GPAT3: variants seen among roughly 807,000 people sequenced by gnomAD.
The protein encoded by GPAT3 is 1-AGP acyltransferase 9.
A neutral mutation model predicts 58.8 loss-of-function variants in GPAT3; 53 were observed. The ratio of observed to expected loss-of-function variants is 0.90; its 90% CI spans 0.72 to 1.13. GPAT3 has a LOEUF of 1.13. Ranked by LOEUF, GPAT3 falls within the 50% of genes most tolerant of loss-of-function variation. The pLI, the probability that GPAT3 is intolerant of heterozygous loss-of-function variation, is 0.00. For missense variants in GPAT3, 511 were observed against 527.6 expected, an observed-to-expected ratio of 0.97 and a Z score of 0.31; for synonymous variants, 197 against 187.4, an observed-to-expected ratio of 1.05 and a Z score of -0.42.
chr4:83,555,067 G>A (rs1724900094), intron 2 of GPAT3, among the ~76,000 whole-genome samples: 1 of 152,156 alleles, frequency 6.6e-6, no homozygotes, highest in African/African-American at 2.4e-5. Flanking sequence ...GCCTCCCAAA[G>A]TGCTGGGATT....
At chr4:83,578,934 TTTC>T (rs1428033420) in intron 2 of GPAT3, among the ~76,000 whole-genome samples, 2 of 1,972 alleles carry the variant, frequency 1.0e-3, no homozygotes, top group South Asian at 0.028. Context: ...TCTTTCTTTC[TTTC>T]TTTTCTTTTC....
At chr4:83,545,099 G>A (rs1724457793) in intron 2 of GPAT3, among the ~76,000 whole-genome samples, 1 of 152,164 alleles carries the variant, frequency 6.6e-6, no homozygotes, top group South Asian at 2.1e-4. Flanking sequence ...CTTGCCTTTG[G>A]AGAGTATTAG....
chr4:83,569,707 C>T (rs1164052094), intron 2 of GPAT3, among the ~76,000 whole-genome samples: 6 of 152,134 alleles, frequency 3.9e-5, no homozygotes, highest in African/African-American at 1.4e-4. Context: ...GCACTGGGGA[C>T]CACTTGGTGC....
At chr4:83,566,409 AATT>A (rs1466051876) in intron 2 of GPAT3, among the ~76,000 whole-genome samples, 4 of 134,270 alleles carry the variant, frequency 3.0e-5, no homozygotes, top group African/African-American at 9.4e-5. Flanking sequence ...TTTTTTAAAA[AATT>A]AATTAATTTA....
intron 5 of GPAT3, among the ~76,000 whole-genome samples, chr4:83,589,739 A>G (rs1168713959): frequency 6.6e-6 from 1 of 152,098 alleles, no homozygotes; most frequent in Admixed American, 6.6e-5. Context: ...TCATCACACT[A>G]CCTAGAGATC....
rs796732041 is a variant in GPAT3, at chr4:83,541,238, C to CT, written c.142-3286dup. ...AACCTTAAACTTAAACTTTGCATATCTTTTTTTTTTTTGAGGCAGGGTCTC... is the reference window on the plus strand; with the variant it reads ...AACCTTAAACTTAAACTTTGCATATCTTTTTTTTTTTTTGAGGCAGGGTCTC... On this transcript the variant is annotated intron_variant, in intron 1 of 11. Transcript: ENST00000264409. 5.5e-3 allele frequency among the ~76,000 whole-genome samples: 801 copies of CT among 145,842 alleles called. 12 individuals are homozygous for CT. The highest frequency in any genetic ancestry group is 0.035 in the Admixed American group (512 of 14,620).
At chr4:83,539,977 G>A (rs1488693288) in intron 1 of GPAT3, among the ~76,000 whole-genome samples, 2 of 152,024 alleles carry the variant, frequency 1.3e-5, no homozygotes, top group African/African-American at 4.8e-5. Context: ...AGCCAACATG[G>A]TAAAACCCCA....
intron 2 of GPAT3, among the ~76,000 whole-genome samples, chr4:83,574,624 A>ATATTTTTT (rs1725720006): frequency 1.8e-5 from 1 of 55,560 alleles, no homozygotes; most frequent in Non-Finnish European, 3.5e-5. Context: ...AGTAAAATGA[A>ATATTTTTT]TTTTTTTTTT....
chr4:83,591,669 T>C (rs1726605921), intron 6 of GPAT3, among the ~76,000 whole-genome samples: 1 of 152,188 alleles, frequency 6.6e-6, no homozygotes. Flanking sequence ...GTTCTGAGTG[T>C]ATGTAATAAT....
rs1220779733 is a variant in GPAT3, at chr4:83,581,757, A to G, written c.404A>G (p.Gln135Arg). Residue 135 changes from glutamine to arginine, a missense_variant, in exon 3 of 12, where the codon CAG (glutamine) becomes CGG (arginine). Transcript: ENST00000264409. ...NLLTRTNVNFQYISLRLTMVW... is the reference protein window; with the variant it reads ...NLLTRTNVNFRYISLRLTMVW... ...CTCACAAGAACCAATGTAAATTTCC[A>G]GTACATCAGTCTGCGGCTCACTATG... is the stretch of plus-strand genomic sequence containing the variant. The G allele has an allele frequency of 1.2e-5, 20 of 1,614,108 alleles. No homozygotes were observed. The highest frequency in any genetic ancestry group is 1.6e-5 in the Non-Finnish European group (19 of 1,180,054).
chr4:83,573,238 C>G (rs1725667118), intron 2 of GPAT3, among the ~76,000 whole-genome samples: 1 of 152,228 alleles, frequency 6.6e-6, no homozygotes, highest in East Asian at 1.9e-4. Flanking sequence ...TTCCTGTGTT[C>G]AAGTGATTCC....
At chr4:83,595,628 C>T (rs750017442) in intron 7 of GPAT3, among the ~76,000 whole-genome samples, 1 of 151,862 alleles carries the variant, frequency 6.6e-6, no homozygotes, top group African/African-American at 2.4e-5. Context: ...GAGGAAGGAT[C>T]GCTTGAGACC....
intron 3 of GPAT3, among the ~76,000 whole-genome samples, chr4:83,583,667 GAAAAAAAAA>G (rs749976752): frequency 7.2e-4 from 17 of 23,462 alleles, no homozygotes; most frequent in East Asian, 2.8e-3. Context: ...ACTCTTGTCT[GAAAAAAAAA>G]AAAAAAAAAA....
chr4:83,570,095 A>G (rs1725546197), intron 2 of GPAT3, among the ~76,000 whole-genome samples: 1 of 152,206 alleles, frequency 6.6e-6, no homozygotes, highest in Non-Finnish European at 1.5e-5. Flanking sequence ...GGGATTCGTC[A>G]GTGGGCAGGT....
chr4:83,541,393 C>CTTT lies in GPAT3; in HGVS notation c.142-3125_142-3123dup, dbSNP rs777665390. 4.5e-3 allele frequency among the ~76,000 whole-genome samples: 506 copies of CTTT among 113,692 alleles called. 9 individuals are homozygous for CTTT. Among genetic ancestry groups the CTTT allele is most frequent in the South Asian group, 6.2e-3 (21 of 3,370 alleles). 74.6% of individuals were successfully genotyped at this position (113,692 alleles called of 152,430 possible). ...CCACCATGCCCAACTAATTTAAAAC[C>CTTT]TTTTTTTTTTTTTTTTTTTTGTAGA... On this transcript the variant is annotated intron_variant, in intron 1 of 11. Coordinates refer to ENST00000264409, the MANE Select transcript of GPAT3 (RefSeq NM_032717.5).
Position 83,556,775 on chromosome 4 carries a change from C to T in GPAT3, c.208+12173C>T, listed in dbSNP as rs1162228811. ...AAAAAGAACTAGATTTTCTCATCTA[C>T]GGTTCTCAAAAAAAAAAAAAAGTAA... is the stretch of plus-strand genomic sequence containing the variant. On this transcript the variant is annotated intron_variant, in intron 2 of 11. Coordinates refer to ENST00000264409, the MANE Select transcript of GPAT3 (RefSeq NM_032717.5). Among the ~76,000 whole-genome samples, 7 of 149,930 alleles carry T rather than the reference C, an allele frequency of 4.7e-5. No individual in the cohort carries two copies. In the South Asian group the frequency reaches 6.3e-4, roughly 13 times the overall value.
intron 2 of GPAT3, among the ~76,000 whole-genome samples, chr4:83,560,514 A>G (rs1725092209): frequency 6.6e-6 from 1 of 152,136 alleles, no homozygotes; most frequent in Non-Finnish European, 1.5e-5. Flanking sequence ...AAGCATGAGG[A>G]TGCAGGGGAT....
chr4:83,576,744 G>A (rs1725837557), intron 2 of GPAT3, among the ~76,000 whole-genome samples: 1 of 151,998 alleles, frequency 6.6e-6, no homozygotes, highest in South Asian at 2.1e-4. Context: ...ATGCCCAATG[G>A]AGTGAGAAAA....
chr4:83,580,666 G>C (rs1244920805), intron 2 of GPAT3, among the ~76,000 whole-genome samples: 1 of 152,036 alleles, frequency 6.6e-6, no homozygotes, highest in South Asian at 2.1e-4. Context: ...CTGTAAATAG[G>C]CCTTTGTCTA....
Sources: allele counts gnomAD v4.1 joint callset (sites outside exome capture counted in the v4.1 genomes callset), GRCh38; gene constraint gnomAD v4.1.1; transcripts MANE v1.5; gene names NCBI Gene and HGNC (gene_info 2026-07-23, HGNC 2026-07-21).